ABCA6: variants seen among roughly 807,000 people sequenced by gnomAD.
ABCA6 encodes the protein ATP-binding cassette sub-family A member 6.
A neutral mutation model predicts 191.2 loss-of-function variants in ABCA6; 164 were observed. The ratio of observed to expected loss-of-function variants is 0.86; its 90% confidence interval spans 0.76 to 0.98. The LOEUF is 0.98. Among genes scored for constraint, ABCA6 ranks in the 50% least tolerant of loss-of-function variants. The pLI is 0.00. For synonymous variants in ABCA6, 636 were observed against 647.7 expected, an observed-to-expected ratio of 0.98 and a Z score of 0.27; for missense variants, 1,958 against 1,894.1, an observed-to-expected ratio of 1.03 and a Z score of -0.63.
At chr17:69,110,732 A>C in intron 17 of ABCA6, 69 bp downstream of exon 17, 1 of 1,488,758 alleles carries the variant, frequency 6.7e-7, no homozygotes, top group Non-Finnish European at 8.9e-7. Context: ...TGGACAAAGA[A>C]AATTATTTTA....
intron 10 of ABCA6, 59 bp from the exon 11 acceptor site, chr17:69,118,015 A>G: frequency 8.2e-7 from 1 of 1,216,042 alleles, no homozygotes; most frequent in Non-Finnish European, 1.2e-6. Context: ...AGCACGGGCC[A>G]TTTATAGCCC....
At chr17:69,095,650 C>T (rs1488158354) in intron 25 of ABCA6, among the ~76,000 whole-genome samples, 1 of 152,130 alleles carries the variant, frequency 6.6e-6, no homozygotes, top group Non-Finnish European at 1.5e-5. Flanking sequence ...ATTCAAGATT[C>T]CCATTCCAAG....
chr17:69,136,577 T>C (rs1011144971), intron 3 of ABCA6, among the ~76,000 whole-genome samples: 32 of 152,188 alleles, frequency 2.1e-4, no homozygotes, highest in African/African-American at 7.0e-4. Context: ...GTAGTTACTA[T>C]ACAGTCAGGG....
chr17:69,079,292 A>G, intron 37 of ABCA6, 27 bp from the exon 38 acceptor site: 2 of 1,549,794 alleles, frequency 1.3e-6, no homozygotes, highest in Non-Finnish European at 8.7e-7. Context: ...ACTAGTATTA[A>G]TAGTAGATGC....
chr17:69,134,776 T>C (rs556197819), intron 4 of ABCA6, 34 bp from the exon 5 acceptor site: 21 of 1,428,508 alleles, frequency 1.5e-5, no homozygotes, highest in Non-Finnish European at 1.6e-5. Flanking sequence ...GCCAACATTA[T>C]GGGACGAGGG....
intron 15 of ABCA6, chr17:69,113,017 G>T (rs886676610): frequency 4.7e-6 from 2 of 424,896 alleles, no homozygotes; most frequent in Non-Finnish European, 3.9e-6. Context: ...AAGGTAATCA[G>T]AATTTTTCAT....
intron 8 of ABCA6, among the ~76,000 whole-genome samples, chr17:69,126,894 A>C (rs1019122886): frequency 3.3e-5 from 5 of 152,154 alleles, no homozygotes; most frequent in African/African-American, 9.6e-5. Flanking sequence ...TCTATTGAAA[A>C]AGAGATTAAA....
intron 28 of ABCA6, 147 bp from the exon 29 acceptor site, chr17:69,087,620 T>C (rs1425727055): frequency 9.0e-7 from 1 of 1,106,462 alleles, no homozygotes; most frequent in African/African-American, 1.6e-5. Flanking sequence ...GCTTCTGCTT[T>C]TGCCAAGAAC....
chr17:69,129,056 G>A (rs2073810907), intron 7 of ABCA6, among the ~76,000 whole-genome samples: 1 of 152,150 alleles, frequency 6.6e-6, no homozygotes, highest in African/African-American at 2.4e-5. Context: ...AATGAGAGCT[G>A]AGGATAGGGT....
intron 15 of ABCA6, chr17:69,112,868 C>T (rs967877514): frequency 6.6e-6 from 1 of 150,858 alleles, no homozygotes; most frequent in African/African-American, 2.8e-5. Flanking sequence ...CCTTCCAATA[C>T]TTTCTGAAAA....
chr17:69,118,025 CTA>C, intron 10 of ABCA6, 69 bp from the exon 11 acceptor site: 2 of 1,103,684 alleles, frequency 1.8e-6, no homozygotes, highest in Non-Finnish European at 2.7e-6. Flanking sequence ...ATTTATAGCC[CTA>C]GTCATAGTGA....
At position 69,113,245 on chromosome 17, in the gene ABCA6, A is replaced by G. The variant is rs1350983886; in HGVS notation, c.2018T>C (p.Met673Thr). The G allele has an allele frequency of 1.2e-6, 2 of 1,605,308 alleles. No individual in the cohort carries two copies. Among genetic ancestry groups the G allele is most frequent in the Admixed American group, 3.5e-5 (2 of 57,562 alleles). ...ACCAGCCAGGATGTCAGCCTCATCC[A>G]TGGACTGGGTACTGAAAAGGATCAC... ...DHVILFSTQS[M>T]DEADILADRK... The change falls in exon 15 of 39, where the codon ATG becomes ACG. Residue 673 changes from methionine (M) to threonine (T), a missense_variant. By Grantham distance (81) the Met-to-Thr change is moderately conservative. Transcript: ENST00000284425.
At position 69,098,047 on chromosome 17, in the gene ABCA6, C is replaced by A. The variant is rs778291151; in HGVS notation, c.3013-20G>T. 3.3e-6 allele frequency: 5 copies of A among 1,500,644 alleles called. No homozygotes were observed. Among genetic ancestry groups the A allele is most frequent in the Admixed American group, 2.3e-5 (1 of 44,272 alleles). 93.0% of individuals were successfully genotyped at this position (1,500,644 alleles called of 1,614,324 possible). ...GTGGCTCTGAAAATATAAAGGGTAG[C>A]TTAAACTAGTGAATATTTGTTAAAT... is the stretch of plus-strand genomic sequence containing the variant. On this transcript the variant is annotated intron_variant, in intron 22 of 38. Transcript: ENST00000284425.
In ABCA6 at chr17:69,110,396, G is replaced by A. The variant is rs940365818; in HGVS notation, c.2272+405C>T. The A allele has an allele frequency of 4.0e-5, 7 of 176,618 alleles. No homozygotes were observed. In the Admixed American group the frequency reaches 4.1e-4, roughly 10 times the overall value. 10.9% of individuals were successfully genotyped at this position (176,618 alleles called of 1,614,324 possible). A position where few individuals can be genotyped will look rare whatever the true frequency, so the allele number is the denominator to read the frequency against. Reference sequence around the variant, plus strand: ...CAGAGTAAGCCAGAAGGATGAGAAAGTTAATGCTCTCGTAGGCATCCCTTA... The same window carrying A: ...CAGAGTAAGCCAGAAGGATGAGAAAATTAATGCTCTCGTAGGCATCCCTTA... On this transcript the variant is annotated intron_variant, in intron 17 of 38. Transcript: ENST00000284425.
At chr17:69,116,757 C>T (rs1339586644) in intron 11 of ABCA6, among the ~76,000 whole-genome samples, 1 of 152,026 alleles carries the variant, frequency 6.6e-6, no homozygotes, top group Admixed American at 6.6e-5. Flanking sequence ...CAGAAACTAA[C>T]TCCATGAGGA....
intron 25 of ABCA6, among the ~76,000 whole-genome samples, chr17:69,095,729 G>A (rs548397181): frequency 1.9e-4 from 29 of 152,346 alleles, no homozygotes; most frequent in African/African-American, 6.0e-4. Context: ...GAGGCCTGAA[G>A]TGTAGGACTC....
chr17:69,084,713 GAATTCTGA>G (rs1305370828), intron 32 of ABCA6, among the ~76,000 whole-genome samples: 1 of 150,876 alleles, frequency 6.6e-6, no homozygotes, highest in Non-Finnish European at 1.5e-5. Flanking sequence ...GGAAAAACTA[GAATTCTGA>G]ATGAGAAACT....
At chr17:69,096,494 C>T (rs2144635491) in intron 24 of ABCA6, 134 bp downstream of exon 24, 5 of 819,190 alleles carry the variant, frequency 6.1e-6, no homozygotes, top group South Asian at 3.3e-5. Flanking sequence ...ATTTATCATA[C>T]ATGCACTTTG....
At chr17:69,130,423 T>C (rs11652530) in intron 6 of ABCA6, among the ~76,000 whole-genome samples, 89,772 of 151,948 alleles carry the variant, frequency 0.59, 27,935 homozygotes, top group Admixed American at 0.7. Flanking sequence ...TGTGCATGTA[T>C]TGTGTAAATA....
Sources: gnomAD v4.1 joint callset for allele counts (sites outside exome capture counted in the v4.1 genomes callset) on GRCh38, gnomAD v4.1.1 for gene constraint, MANE v1.5 for transcripts, NCBI Gene and HGNC (gene_info 2026-07-23, HGNC 2026-07-21) for gene names.